CAPN9: variants seen among roughly 807,000 people sequenced by gnomAD.
CAPN9 encodes the protein calpain 9.
Under a neutral mutation model 92.8 loss-of-function variants are expected in CAPN9, and 81 were observed. The observed-to-expected ratio is 0.87, with a 90% CI of 0.73 to 1.05. The LOEUF (loss-of-function observed/expected upper bound fraction) is 1.05, where lower values mean the gene tolerates loss of function less well. Among genes scored for constraint, CAPN9 ranks in the 50% least tolerant of loss-of-function variants. The probability of loss-of-function intolerance (pLI) is 0.00; values close to 1 mark genes in which losing one functional copy is unlikely to be tolerated. For missense variants in CAPN9, 848 were observed against 866.2 expected (o/e 0.98, Z 0.26); for synonymous variants, 304 against 328.0 (o/e 0.93, Z 0.79).
chr1:230,782,933 T>C (rs1383540398), intron 11 of CAPN9, among the ~76,000 whole-genome samples: 1 of 152,176 alleles, frequency 6.6e-6, no homozygotes, highest in Non-Finnish European at 1.5e-5. Flanking sequence ...GGAGAATCAC[T>C]TAAAACCCAG....
chr1:230,770,907 C>T (rs1666347828), intron 6 of CAPN9, among the ~76,000 whole-genome samples: 1 of 152,194 alleles, frequency 6.6e-6, no homozygotes. Flanking sequence ...TTCCTCCTCA[C>T]TGGAGCCAAG....
chr1:230,750,915 A>G (rs1332862829), intron 1 of CAPN9, among the ~76,000 whole-genome samples: 1 of 152,124 alleles, frequency 6.6e-6, no homozygotes, highest in African/African-American at 2.4e-5. Context: ...CCCAGGTCTC[A>G]TGCAAGGGAC....
At chr1:230,751,550 AAAGG>A (rs1275285487) in intron 1 of CAPN9, among the ~76,000 whole-genome samples, 2 of 149,344 alleles carry the variant, frequency 1.3e-5, no homozygotes, top group African/African-American at 4.9e-5. Flanking sequence ...AGAAAAAAAG[AAAGG>A]AAGAAGAGAA....
In CAPN9 at chr1:230,787,564, C is replaced by T. The variant is rs1439618017; in HGVS notation, c.1561C>T (p.Gln521Ter). Reference protein sequence around the residue: ...TPPDQETEEEQRFRALFEQVA... With the variant: ...TPPDQETEEE ...ACCTGACCAGGAGACAGAGGAGGAGCAGCGGTTTCGGGCTCTGTTTGAACA... is the reference window on the plus strand; with the variant it reads ...ACCTGACCAGGAGACAGAGGAGGAGTAGCGGTTTCGGGCTCTGTTTGAACA... The change falls in exon 13 of 20, where the codon CAG becomes TAG. Residue 521 changes from glutamine (Q) to a stop codon, truncating the protein, a stop_gained. Transcript: ENST00000271971. LOFTEE classifies it high-confidence loss of function. The T allele has an allele frequency of 6.2e-7, 1 of 1,614,076 alleles. No homozygotes were observed. Among genetic ancestry groups the T allele is most frequent in the South Asian group, 1.1e-5 (1 of 91,066 alleles).
intron 11 of CAPN9, among the ~76,000 whole-genome samples, chr1:230,782,880 G>T (rs1245857730): frequency 6.6e-6 from 1 of 152,154 alleles, no homozygotes; most frequent in Non-Finnish European, 1.5e-5. Context: ...GCTGGGCATG[G>T]TGGCACGTGC....
Position 230,767,691 on chromosome 1 carries a change from G to A in CAPN9, c.687G>A (p.Leu229=), listed in dbSNP as rs1666078839. The change falls in exon 5 of 20, where the codon CTG becomes CTA. Residue 229 remains leucine (L), a synonymous_variant. Coordinates refer to ENST00000271971, the MANE Select transcript of CAPN9 (RefSeq NM_006615.3). ...ILEKALKRGS[L]LGCFIDTRSA... ...AGAAGGCTTTGAAGAGAGGCTCCCT[G>A]CTGGGCTGCTTCATTGATGTAAGTT... 1 of 1,613,010 alleles carries A rather than the reference G, an allele frequency of 6.2e-7. No individual in the cohort carries two copies. Among genetic ancestry groups the A allele is most frequent in the Admixed American group, 1.7e-5 (1 of 59,848 alleles).
intron 6 of CAPN9, 133 bp downstream of exon 6, chr1:230,769,396 G>T: frequency 3.1e-6 from 2 of 651,684 alleles, no homozygotes; most frequent in Non-Finnish European, 5.1e-6. Context: ...CACCTAAAGA[G>T]GCAGGCTGGA....
chr1:230,777,862 T>G (rs1393697654), intron 8 of CAPN9, among the ~76,000 whole-genome samples: 1 of 152,130 alleles, frequency 6.6e-6, no homozygotes, highest in Non-Finnish European at 1.5e-5. Context: ...CTCCCTAACC[T>G]GTTAGCACTG....
At chr1:230,783,210 C>G (rs933613293) in intron 11 of CAPN9, among the ~76,000 whole-genome samples, 4 of 152,170 alleles carry the variant, frequency 2.6e-5, no homozygotes, top group Non-Finnish European at 5.9e-5. Flanking sequence ...TGCTGCTATT[C>G]TACAAAACAC....
At chr1:230,796,640 G>T (rs768232482) in intron 18 of CAPN9, among the ~76,000 whole-genome samples, 24 of 152,174 alleles carry the variant, frequency 1.6e-4, no homozygotes, top group Non-Finnish European at 2.5e-4. Flanking sequence ...TCCCTAAGGG[G>T]TTACTGGTAG....
chr1:230,798,146 C>T lies in CAPN9; in HGVS notation c.1988-16C>T. 6.3e-7 allele frequency: 1 copy of T among 1,587,160 alleles called. No individual in the cohort carries two copies. The highest frequency in any genetic ancestry group is 8.7e-7 in the Non-Finnish European group (1 of 1,155,774). On this transcript the variant is annotated splice_polypyrimidine_tract_variant and intron_variant, in intron 18 of 19. Transcript: ENST00000271971. ...TTGTCTTTAAAAGGATGCCTTTCCC[C>T]CTTCTCTCCTATCAGGGGTGTTCCA...
At chr1:230,767,386 C>G (rs929183501) in intron 4 of CAPN9, among the ~76,000 whole-genome samples, 155 bp from the exon 5 acceptor site, 6 of 152,124 alleles carry the variant, frequency 3.9e-5, no homozygotes, top group African/African-American at 1.4e-4. Flanking sequence ...CAAACAAACC[C>G]TGATAACTTG....
At chr1:230,767,747 T>C (rs1553258853) in intron 5 of CAPN9, 38 bp downstream of exon 5, 1 of 1,584,832 alleles carries the variant, frequency 6.3e-7, no homozygotes, top group Non-Finnish European at 8.6e-7. Flanking sequence ...GGCACTATGC[T>C]GGGGCTGCAT....
Position 230,747,450 on chromosome 1 carries a change from C to G in CAPN9, c.-47C>G. Reference sequence around the variant, plus strand: ...CACACACAGCTCGCTTCTTCACTTTCTTTTCCATCCACTGCCGGACCCAAG... The same window carrying G: ...CACACACAGCTCGCTTCTTCACTTTGTTTTCCATCCACTGCCGGACCCAAG... On this transcript the variant is annotated 5_prime_UTR_variant, in exon 1 of 20. Transcript: ENST00000271971. The G allele has an allele frequency of 6.5e-7, 1 of 1,530,216 alleles. No individual in the cohort carries two copies. Among genetic ancestry groups the G allele is most frequent in the Non-Finnish European group, 9.0e-7 (1 of 1,105,020 alleles). The allele number at this position is 1,530,216 out of a possible 1,614,324, so 94.8% of individuals were successfully genotyped here. A position where few individuals can be genotyped will look rare whatever the true frequency, so the allele number is the denominator to read the frequency against.
intron 3 of CAPN9, among the ~76,000 whole-genome samples, chr1:230,760,657 A>T (rs962311967): frequency 6.6e-6 from 1 of 152,172 alleles, no homozygotes; most frequent in Non-Finnish European, 1.5e-5. Flanking sequence ...TTTGGGTCCC[A>T]GGGAAACTCT....
At chr1:230,752,063 G>A (rs560673814) in intron 1 of CAPN9, among the ~76,000 whole-genome samples, 10 of 152,252 alleles carry the variant, frequency 6.6e-5, no homozygotes, top group South Asian at 4.1e-4. Context: ...GGATCGACAC[G>A]CACATGCAGG....
intron 2 of CAPN9, among the ~76,000 whole-genome samples, chr1:230,758,268 C>G (rs1344581375): frequency 1.3e-5 from 2 of 152,178 alleles, no homozygotes; most frequent in African/African-American, 4.8e-5. Flanking sequence ...CTCCTGTTGG[C>G]CTGGCCGCCC....
chr1:230,769,417 G>A (rs556470321), intron 6 of CAPN9, among the ~76,000 whole-genome samples, 154 bp downstream of exon 6: 2 of 152,330 alleles, frequency 1.3e-5, no homozygotes, highest in African/African-American at 4.8e-5. Context: ...ATTCAAAACG[G>A]CAAGCCAGGA....
rs762877903 is a variant in CAPN9, at chr1:230,790,164, T to C, written c.1632T>C (p.Tyr544=). Residue 544 remains tyrosine, a synonymous_variant, in exon 14 of 20, where the codon TAT becomes TAC. Transcript: ENST00000271971. ...DMEVTAEELE[Y]VLNAVLQKKK... ...AGGTGACAGCAGAGGAACTTGAGTA[T>C]GTTTTAAATGCTGTGCTGCAAAAGA... The C allele has an allele frequency of 5.5e-5, 89 of 1,614,066 alleles. No individual in the cohort carries two copies. The highest frequency in any genetic ancestry group is 7.4e-5 in the Non-Finnish European group (87 of 1,180,020).
Sources: allele counts gnomAD v4.1 joint callset (sites outside exome capture counted in the v4.1 genomes callset), GRCh38; gene constraint gnomAD v4.1.1; transcripts MANE v1.5; gene names NCBI Gene and HGNC (gene_info 2026-07-23, HGNC 2026-07-21).